PUDP: variants seen among roughly 807,000 people sequenced by gnomAD.
PUDP encodes pseudouridine 5'-phosphatase.
Under a neutral mutation model 9.4 loss-of-function variants are expected in PUDP, and 8 were observed. The ratio of observed to expected loss-of-function variants is 0.85; its 90% CI spans 0.50 to 1.53. The LOEUF (loss-of-function observed/expected upper bound fraction) is 1.53, where lower values mean the gene tolerates loss of function less well. Among genes scored for constraint, PUDP ranks in the 40% most tolerant of loss-of-function variants. The pLI, the probability that PUDP is intolerant of heterozygous loss-of-function variation, is 0.00. For missense variants in PUDP, 188 were observed against 189.7 expected, an observed-to-expected ratio of 0.99 and a Z score of 0.05; for synonymous variants, 99 against 80.7, an observed-to-expected ratio of 1.23 and a Z score of -1.22.
chrX:6,996,749 C>T (rs1050204144), intron 1 of PUDP, among the ~76,000 whole-genome samples: 2 of 105,703 alleles, frequency 1.9e-5, no homozygotes, highest in Non-Finnish European at 3.9e-5. Flanking sequence ...TCACTGCAAC[C>T]TCAAACCTCC....
At position 7,148,126 on chromosome X, in the gene PUDP, T is replaced by C; in HGVS notation, c.-13A>G. 9.1e-7 allele frequency: 1 copy of C among 1,101,475 alleles called. No homozygotes were observed. The highest frequency in any genetic ancestry group is 3.8e-5 in the East Asian group (1 of 26,041). 90.8% of individuals were successfully genotyped at this position (1,101,475 alleles called of 1,213,427 possible). A position where few individuals can be genotyped will look rare whatever the true frequency, so the allele number is the denominator to read the frequency against. ...GGGGCGCCGCCATGGTGGCGCCTTC[T>C]GGGTCTGGGTGGGGGCGAGGAGGAA... On this transcript the variant is annotated 5_prime_UTR_variant, in exon 1 of 4. Transcript: ENST00000381077.
chrX:7,117,552 C>A (rs1223480780), intron 1 of PUDP, among the ~76,000 whole-genome samples: 2 of 112,391 alleles, frequency 1.8e-5, no homozygotes, highest in African/African-American at 6.5e-5. Flanking sequence ...CGCTCAGATG[C>A]AGAAGCAAAG....
At chrX:6,894,535 T>C (rs1927559765) in intron 3 of PUDP, among the ~76,000 whole-genome samples, 1 of 112,390 alleles carries the variant, frequency 8.9e-6, no homozygotes, top group Non-Finnish European at 1.9e-5. Context: ...GTGAGATTTG[T>C]GAGACAATGC....
At chrX:6,777,924 T>G (rs1017621034) in intron 3 of PUDP, among the ~76,000 whole-genome samples, 15 of 112,361 alleles carry the variant, frequency 1.3e-4, no homozygotes, top group African/African-American at 4.8e-4. Flanking sequence ...TTAGGAAAAT[T>G]TGTAGACTTT....
chrX:6,836,336 T>C (rs910174543), intron 3 of PUDP, among the ~76,000 whole-genome samples: 1 of 111,995 alleles, frequency 8.9e-6, no homozygotes, highest in Non-Finnish European at 1.9e-5. Flanking sequence ...TATCATGTCA[T>C]AGTTCTGTAA....
intron 3 of PUDP, among the ~76,000 whole-genome samples, chrX:6,939,728 T>C (rs73629009): frequency 0.031 from 3,375 of 108,449 alleles, 137 homozygotes; most frequent in African/African-American, 0.11. Context: ...TAGGTGGGCA[T>C]GGTGGTCTGC....
At chrX:7,057,333 C>A (rs767455045) in intron 3 of PUDP, among the ~76,000 whole-genome samples, 1 of 110,680 alleles carries the variant, frequency 9.0e-6, no homozygotes, top group South Asian at 4.0e-4. Context: ...AGGTCTGGGG[C>A]CAGGCGGTGT....
chrX:7,004,016 C>T (rs928042068), intron 1 of PUDP, among the ~76,000 whole-genome samples: 1 of 110,787 alleles, frequency 9.0e-6, no homozygotes, highest in Non-Finnish European at 1.9e-5. Context: ...GCTGGGACTA[C>T]AGGCACACAC....
chrX:6,835,071 GGTT>G (rs960156484), intron 3 of PUDP, among the ~76,000 whole-genome samples: 6 of 111,227 alleles, frequency 5.4e-5, no homozygotes, highest in Non-Finnish European at 7.5e-5. Context: ...AGTAGAGAGA[GGTT>G]GTTTGAGGGA....
chrX:6,715,419 TGA>T (rs767192421), intron 1 of PUDP, among the ~76,000 whole-genome samples: 2 of 111,764 alleles, frequency 1.8e-5, no homozygotes, highest in Non-Finnish European at 3.8e-5. Context: ...ATTTTCTCCC[TGA>T]GAGAAAAAGA....
chrX:6,812,223 G>C (rs1926155641), intron 3 of PUDP, among the ~76,000 whole-genome samples: 2 of 112,048 alleles, frequency 1.8e-5, no homozygotes, highest in Admixed American at 1.9e-4. Flanking sequence ...AAAGCACAAG[G>C]AGGGTGAGAT....
At chrX:6,728,248 C>T (rs1036099373) in intron 3 of PUDP, among the ~76,000 whole-genome samples, 1 of 111,224 alleles carries the variant, frequency 9.0e-6, no homozygotes, top group Non-Finnish European at 1.9e-5. Context: ...TTATCTCCCA[C>T]CAGGTGGCTC....
At chrX:6,745,431 C>T (rs1924988623) in intron 3 of PUDP, among the ~76,000 whole-genome samples, 1 of 111,685 alleles carries the variant, frequency 9.0e-6, no homozygotes, top group Non-Finnish European at 1.9e-5. Context: ...ACCATTGCTC[C>T]CAATGGAAAT....
intron 3 of PUDP, among the ~76,000 whole-genome samples, chrX:6,894,499 A>G (rs181394940): frequency 2.7e-5 from 3 of 112,401 alleles, no homozygotes; most frequent in Non-Finnish European, 5.6e-5. Context: ...GGAGACGTGC[A>G]AAGTTTATCT....
chrX:6,983,656 A>G (rs1929067152), intron 1 of PUDP, among the ~76,000 whole-genome samples: 1 of 111,768 alleles, frequency 8.9e-6, no homozygotes, highest in South Asian at 3.7e-4. Context: ...CTATATATTA[A>G]ATTCCTTCCC....
intron 3 of PUDP, among the ~76,000 whole-genome samples, chrX:6,751,082 C>T (rs1342937916): frequency 1.1e-4 from 12 of 108,832 alleles, no homozygotes; most frequent in African/African-American, 4.0e-4. Context: ...GCGGAGCTTG[C>T]AGTGAGCCAA....
intron 3 of PUDP, among the ~76,000 whole-genome samples, chrX:6,973,870 T>C (rs1368467879): frequency 9.0e-6 from 1 of 111,688 alleles, no homozygotes; most frequent in African/African-American, 3.3e-5. Flanking sequence ...GAACTTGCTT[T>C]ATGAATCTGG....
intron 3 of PUDP, among the ~76,000 whole-genome samples, chrX:6,737,361 G>A (rs1198566453): frequency 8.9e-6 from 1 of 112,206 alleles, no homozygotes; most frequent in Non-Finnish European, 1.9e-5. Context: ...AACATTAGAG[G>A]GGAGTAGCTA....
chrX:6,707,670 T>G (rs878901853), intron 1 of PUDP, among the ~76,000 whole-genome samples: 1 of 111,130 alleles, frequency 9.0e-6, no homozygotes, highest in South Asian at 3.9e-4. Flanking sequence ...CAGGTGGTAA[T>G]GTGAGTGATG....
Sources: allele counts gnomAD v4.1 joint callset (sites outside exome capture counted in the v4.1 genomes callset), GRCh38; gene constraint gnomAD v4.1.1; transcripts MANE v1.5; gene names NCBI Gene and HGNC (gene_info 2026-07-23, HGNC 2026-07-21).